NAV2: variants seen among roughly 807,000 people sequenced by gnomAD.
The protein encoded by NAV2 is helicase, APC down-regulated 1.
NAV2 carries 54 observed loss-of-function variants against 223.2 expected under a neutral mutation model. The observed-to-expected ratio is 0.24, with a 90% confidence interval of 0.19 to 0.30. The LOEUF is 0.30. Among genes scored for constraint, NAV2 ranks in the 10% least tolerant of loss-of-function variants. The pLI, the probability that NAV2 is intolerant of heterozygous loss-of-function variation, is 1.00. For missense variants in NAV2, 2,806 were observed against 3,147.5 expected, an observed-to-expected ratio of 0.89 and a Z score of 2.60; for synonymous variants, 1,279 against 1,239.3, an observed-to-expected ratio of 1.03 and a Z score of -0.67.
intron 1 of NAV2, among the ~76,000 whole-genome samples, chr11:19,798,923 C>A (rs1307005056): frequency 6.6e-6 from 1 of 152,162 alleles, no homozygotes; most frequent in Admixed American, 6.5e-5. Flanking sequence ...AATATCAGCA[C>A]TACCCCAGTC....
chr11:19,882,992 A>C lies in NAV2; in HGVS notation c.770+2865A>C, dbSNP rs142995032. The stretch of plus-strand genomic sequence containing the variant: ...TGCTAACACTCTGGCTATAAATTTA[A>C]GAATGATAAAATTACATCAGTGGCT... On this transcript the variant is annotated intron_variant, in intron 5 of 37. Coordinates refer to ENST00000349880, the MANE Select transcript of NAV2 (RefSeq NM_145117.5). Among the ~76,000 whole-genome samples, 217 of 152,342 alleles carry C rather than the reference A, an allele frequency of 1.4e-3. 4 individuals carry two copies. The South Asian group carries it at 0.021, about 15-fold the overall frequency.
chr11:19,405,610 G>T (rs961652176), intron 1 of NAV2, among the ~76,000 whole-genome samples: 1 of 152,222 alleles, frequency 6.6e-6, no homozygotes, highest in Non-Finnish European at 1.5e-5. Flanking sequence ...ACACCACTCT[G>T]TTGAAAGACA....
At chr11:19,620,722 T>C (rs1256082249) in intron 1 of NAV2, among the ~76,000 whole-genome samples, 3 of 152,204 alleles carry the variant, frequency 2.0e-5, no homozygotes, top group African/African-American at 7.2e-5. Context: ...ACAATTTGAC[T>C]TCCTCTTTTC....
At chr11:19,783,244 G>C (rs746054115) in intron 1 of NAV2, among the ~76,000 whole-genome samples, 2 of 152,150 alleles carry the variant, frequency 1.3e-5, no homozygotes, top group Non-Finnish European at 2.9e-5. Flanking sequence ...CTGATTTCTC[G>C]TTCCAACCTT....
intron 10 of NAV2, 50 bp downstream of exon 10, chr11:19,949,130 C>T (rs2047177372): frequency 1.3e-6 from 2 of 1,523,158 alleles, no homozygotes; most frequent in South Asian, 2.7e-5. Flanking sequence ...GGGCTTGGCA[C>T]CTGGCTTCTC....
At chr11:19,852,443 G>GT (rs2061195199) in intron 3 of NAV2, among the ~76,000 whole-genome samples, 1 of 152,160 alleles carries the variant, frequency 6.6e-6, no homozygotes, top group Admixed American at 6.5e-5. Context: ...GAGACCCACA[G>GT]TTTTTTATTT....
chr11:19,675,501 T>C (rs958295661), intron 1 of NAV2, among the ~76,000 whole-genome samples: 8 of 152,180 alleles, frequency 5.3e-5, no homozygotes, highest in African/African-American at 1.9e-4. Flanking sequence ...TGCTTTTCTG[T>C]CTCCTTCACT....
rs1055579850 is a variant in NAV2, at chr11:19,882,438, G to A, written c.770+2311G>A. Reference sequence around the variant, plus strand: ...TGAGGAAGCCCAGGAGAGCAGGTATGCATTATGAATGTTCAGACAGGTGGT... The same window carrying A: ...TGAGGAAGCCCAGGAGAGCAGGTATACATTATGAATGTTCAGACAGGTGGT... On this transcript the variant is annotated intron_variant, in intron 5 of 37. Coordinates refer to ENST00000349880, the MANE Select transcript of NAV2 (RefSeq NM_145117.5). Among the ~76,000 whole-genome samples the A allele has an allele frequency of 3.3e-5, 5 of 152,186 alleles. 1 individual carries two copies. The highest frequency in any genetic ancestry group is 7.3e-5 in the Non-Finnish European group (5 of 68,034).
chr11:19,793,256 A>ATGGAGG (rs1159709582), intron 1 of NAV2, among the ~76,000 whole-genome samples: 4 of 149,220 alleles, frequency 2.7e-5, no homozygotes, highest in Non-Finnish European at 5.9e-5. Flanking sequence ...GAAAGGATGG[A>ATGGAGG]TGGAGGTGCT....
At chr11:19,621,222 C>T (rs2046984630) in intron 1 of NAV2, among the ~76,000 whole-genome samples, 1 of 152,038 alleles carries the variant, frequency 6.6e-6, no homozygotes, top group Non-Finnish European at 1.5e-5. Flanking sequence ...CTAAAATTCT[C>T]TTTTTTTGTT....
At chr11:19,393,600 T>C (rs1590112755) in intron 1 of NAV2, among the ~76,000 whole-genome samples, 1 of 152,236 alleles carries the variant, frequency 6.6e-6, no homozygotes, top group African/African-American at 2.4e-5. Context: ...CTTGACAAAA[T>C]GTGTTTTAAT....
At chr11:19,924,516 A>T (rs892843131) in intron 6 of NAV2, among the ~76,000 whole-genome samples, 7 of 152,162 alleles carry the variant, frequency 4.6e-5, no homozygotes, top group African/African-American at 1.7e-4. Flanking sequence ...AAAAACTGGG[A>T]AATGTGTGGT....
chr11:19,926,064 C>T (rs1322180494), intron 6 of NAV2, among the ~76,000 whole-genome samples: 1 of 151,988 alleles, frequency 6.6e-6, no homozygotes, highest in East Asian at 1.9e-4. Context: ...TTGGGGGTCC[C>T]TTGAGATTCC....
At chr11:19,825,260 C>A (rs2059586103) in intron 1 of NAV2, among the ~76,000 whole-genome samples, 1 of 131,146 alleles carries the variant, frequency 7.6e-6, no homozygotes, top group African/African-American at 2.9e-5. Context: ...CCCCTGCACT[C>A]CAGCCTGGGA....
At position 19,424,846 on chromosome 11, in the gene NAV2, C is replaced by T. The variant is rs189822182; in HGVS notation, c.75+73819C>T. Among the ~76,000 whole-genome samples, 1,073 of 152,102 alleles carry T rather than the reference C, an allele frequency of 7.1e-3. 15 individuals carry two copies. Among genetic ancestry groups the T allele is most frequent in the African/African-American group, 0.024 (1,005 of 41,458 alleles). On this transcript the variant is annotated intron_variant, in intron 1 of 37. Coordinates refer to the NAV2 transcript ENST00000360655. ...GATTACAGGCATAAGCCACCGTGCC[C>T]GGCCTTAGTTTGGTGTTTTTATAAG... is the stretch of plus-strand genomic sequence containing the variant.
intron 1 of NAV2, among the ~76,000 whole-genome samples, chr11:19,369,234 A>G (rs967789238): frequency 6.6e-6 from 1 of 152,128 alleles, no homozygotes; most frequent in Non-Finnish European, 1.5e-5. Flanking sequence ...TGTCATGTCT[A>G]TATTCTTTAG....
chr11:19,376,453 A>G (rs1848644283), intron 1 of NAV2, among the ~76,000 whole-genome samples: 1 of 152,202 alleles, frequency 6.6e-6, no homozygotes, highest in Non-Finnish European at 1.5e-5. Context: ...AGACGAGGGC[A>G]CAGAGGGGAC....
rs560453994 is a variant in NAV2, at chr11:19,630,726, A to G, written c.76-201758A>G. Among the ~76,000 whole-genome samples, 477 of 152,244 alleles carry G rather than the reference A, an allele frequency of 3.1e-3. 3 individuals carry two copies. Among genetic ancestry groups the G allele is most frequent in the African/African-American group, 0.011 (457 of 41,534 alleles). On this transcript the variant is annotated intron_variant, in intron 1 of 37. Coordinates refer to the NAV2 transcript ENST00000360655. Reference sequence around the variant, plus strand: ...ACATGGTGAGACAAAAAATATAAAAATTAGCTGGACGTGGTGGTGCATGCC... The same window carrying G: ...ACATGGTGAGACAAAAAATATAAAAGTTAGCTGGACGTGGTGGTGCATGCC...
rs761477486 is a variant in NAV2 at position 20,080,174 on chromosome 11, G to A, written c.5290G>A (p.Glu1764Lys). The A allele has an allele frequency of 9.9e-6, 16 of 1,613,912 alleles. No individual in the cohort carries two copies. The Admixed American group carries it at 1.5e-4, about 15-fold the overall frequency. The change falls in exon 25 of 38, where the codon GAG (glutamate) becomes AAG (lysine). Residue 1764 changes from glutamate (E) to lysine (K), a missense_variant. By Grantham distance (56) the Glu-to-Lys change is moderately conservative. This residue lies in a region of NAV2 where 824 missense variants were observed against 1,069.4 expected (regional missense o/e 0.77). Transcript: ENST00000349880. ...CCACTCCAGCGTGGGCAGCAACATAGAGAGTGACTCAAAGAAGAAGAAGCG... is the reference window on the plus strand; with the variant it reads ...CCACTCCAGCGTGGGCAGCAACATAAAGAGTGACTCAAAGAAGAAGAAGCG... Reference protein sequence around the residue: ...TSHSSVGSNIESDSKKKKRKN... With the variant: ...TSHSSVGSNIKSDSKKKKRKN...
Sources: gnomAD v4.1 joint callset for allele counts (sites outside exome capture counted in the v4.1 genomes callset) on GRCh38, gnomAD v4.1.1 for gene constraint, gnomAD v4.1.1 regional missense constraint, MANE v1.5 for transcripts, NCBI Gene and HGNC (gene_info 2026-07-23, HGNC 2026-07-21) for gene names.